Variants in MRNIP observed in about 807,000 individuals in gnomAD.
MRNIP encodes the protein MRN complex interacting protein.
Under a neutral mutation model 29.8 loss-of-function variants are expected in MRNIP, and 30 were observed. The ratio of observed to expected loss-of-function variants is 1.01; its 90% confidence interval spans 0.75 to 1.36. The LOEUF (loss-of-function observed/expected upper bound fraction) is 1.36, where lower values mean the gene tolerates loss of function less well. Among genes scored for constraint, MRNIP ranks in the 40% most tolerant of loss-of-function variants. MRNIP has a pLI of 0.00. For synonymous variants in MRNIP, 201 were observed against 164.1 expected, an observed-to-expected ratio of 1.23 and a Z score of -1.72; for missense variants, 459 against 423.5, an observed-to-expected ratio of 1.08 and a Z score of -0.74.
chr5:179,851,972 G>A (rs767530041), intron 2 of MRNIP, among the ~76,000 whole-genome samples: 10 of 148,406 alleles, frequency 6.7e-5, no homozygotes, highest in Admixed American at 2.7e-4. Context: ...GCGAGACTCC[G>A]TCTAAAAAAA....
intron 2 of MRNIP, among the ~76,000 whole-genome samples, chr5:179,851,711 G>A (rs1016749742): frequency 1.3e-5 from 2 of 152,096 alleles, no homozygotes; most frequent in Admixed American, 1.3e-4. Flanking sequence ...AGGCACGGTG[G>A]CTCACGCCTG....
intron 5 of MRNIP, 65 bp from the exon 6 acceptor site, chr5:179,841,024 CGAT>C: frequency 8.4e-7 from 1 of 1,191,016 alleles, no homozygotes; most frequent in Non-Finnish European, 1.2e-6. Context: ...CCTGACTCCA[CGAT>C]CACATGGCCC....
intron 1 of MRNIP, among the ~76,000 whole-genome samples, chr5:179,853,775 AAAAC>A (rs552010539): frequency 1.1e-4 from 16 of 151,914 alleles, no homozygotes; most frequent in East Asian, 5.8e-4. Context: ...CCATCTCAAA[AAAAC>A]AAACAAACAA....
At chr5:179,845,359 G>A (rs1759083054) in intron 3 of MRNIP, among the ~76,000 whole-genome samples, 2 of 152,048 alleles carry the variant, frequency 1.3e-5, no homozygotes, top group African/African-American at 4.8e-5. Context: ...ATGTTGGCCA[G>A]GCTGGTCATG....
chr5:179,843,564 C>A (rs924662614), intron 4 of MRNIP, among the ~76,000 whole-genome samples: 1 of 151,990 alleles, frequency 6.6e-6, no homozygotes, highest in African/African-American at 2.4e-5. Context: ...CACAGGGAGA[C>A]CCTGCCTCTA....
intron 2 of MRNIP, among the ~76,000 whole-genome samples, chr5:179,851,648 G>A (rs1454209664): frequency 2.0e-5 from 3 of 151,834 alleles, no homozygotes; most frequent in African/African-American, 7.3e-5. Flanking sequence ...TTTTAACTTT[G>A]CTGAACCCAT....
intron 2 of MRNIP, among the ~76,000 whole-genome samples, chr5:179,851,716 C>T (rs1349063283): frequency 1.3e-5 from 2 of 152,026 alleles, no homozygotes; most frequent in Admixed American, 6.6e-5. Flanking sequence ...CGGTGGCTCA[C>T]GCCTGTAACC....
intron 2 of MRNIP, among the ~76,000 whole-genome samples, chr5:179,851,924 G>GC (rs1251181023): frequency 1.3e-5 from 2 of 149,774 alleles, no homozygotes; most frequent in Non-Finnish European, 2.9e-5. Flanking sequence ...CTTGCAGTGA[G>GC]CGAGATCGCA....
At chr5:179,844,793 G>A (rs907758504) in intron 3 of MRNIP, among the ~76,000 whole-genome samples, 2 of 152,136 alleles carry the variant, frequency 1.3e-5, no homozygotes, top group African/African-American at 4.8e-5. Context: ...ATTTAATTTT[G>A]TATGTTGACC....
chr5:179,837,888 G>C lies in MRNIP; in HGVS notation c.538-3C>G. 6.2e-7 allele frequency: 1 copy of C among 1,601,290 alleles called. No homozygotes were observed. The highest frequency in any genetic ancestry group is 8.5e-7 in the Non-Finnish European group (1 of 1,178,046). ...TTCCATGTCAGGCCAGCCTGTCCCT[G>C]AAAGAGAAGATGGCCATGCCCTCCA... On this transcript the variant is annotated splice_polypyrimidine_tract_variant and splice_region_variant and intron_variant, in intron 6 of 6. Coordinates refer to ENST00000292586, the MANE Select transcript of MRNIP (RefSeq NM_016175.4).
At chr5:179,847,948 GA>G (rs1759199976) in intron 3 of MRNIP, 29 bp downstream of exon 3, 1 of 1,480,628 alleles carries the variant, frequency 6.8e-7, no homozygotes, top group Non-Finnish European at 9.4e-7. Flanking sequence ...AACAGGGCAA[GA>G]CAACCACGCT....
In MRNIP at chr5:179,837,546, T is replaced by C. The variant is rs11548638; in HGVS notation, c.877A>G (p.Thr293Ala). The stretch of plus-strand genomic sequence containing the variant: ...CCGCAAGGCCTCTCAGACCCAGATG[T>C]GACGGGGTGTGTGGCCCGAGGAAGC... ...VQLPRATHPV[T>A]SGSERPCGKT... The change falls in exon 7 of 7, where the codon ACA becomes GCA. Residue 293 changes from threonine to alanine, a missense_variant. Transcript: ENST00000292586. 3.1e-6 allele frequency: 5 copies of C among 1,614,196 alleles called. No individual in the cohort carries two copies. In the African/African-American group the frequency reaches 5.3e-5, roughly 17 times the overall value.
rs77603125 is a variant in MRNIP at position 179,848,092 on chromosome 5, T to C, written c.127-26A>G. 22,398 of 1,548,050 alleles carry C rather than the reference T, an allele frequency of 0.014. 223 individuals are homozygous for C. Among genetic ancestry groups the C allele is most frequent in the Non-Finnish European group, 0.018 (20,341 of 1,119,820 alleles). On this transcript the variant is annotated intron_variant, in intron 2 of 6. Transcript: ENST00000292586. ...CTGAGAAACCAAAAAATATATTACA[T>C]TGAAAAAGTGCTGGCAGAATGCTGA... is the stretch of plus-strand genomic sequence containing the variant.
chr5:179,847,791 A>C, intron 3 of MRNIP, 187 bp downstream of exon 3: 1 of 543,596 alleles, frequency 1.8e-6, no homozygotes, highest in Non-Finnish European at 3.3e-6. Flanking sequence ...CAGCCCCAGT[A>C]TTCTAAACAT....
In MRNIP at chr5:179,841,046, G is replaced by C. The variant is rs996781749; in HGVS notation, c.450-87C>G. On this transcript the variant is annotated intron_variant, in intron 5 of 6. Transcript: ENST00000292586. ...CCACGATCACATGGCCCACAGGCTCGGGTGGCCACCTGCTTGTTCCTACGG... is the reference window on the plus strand; with the variant it reads ...CCACGATCACATGGCCCACAGGCTCCGGTGGCCACCTGCTTGTTCCTACGG... The C allele has an allele frequency of 7.3e-6, 7 of 955,786 alleles. No individual in the cohort carries two copies. In the South Asian group the frequency reaches 7.4e-5, roughly 10 times the overall value. The allele number at this position is 955,786 out of a possible 1,614,324, so 59.2% of individuals were successfully genotyped here.
chr5:179,858,093 A>G (rs1419783749), intron 1 of MRNIP, among the ~76,000 whole-genome samples: 1 of 151,648 alleles, frequency 6.6e-6, no homozygotes, highest in Admixed American at 6.6e-5. Context: ...GGAGGGAGGG[A>G]CTATCAGAAG....
chr5:179,844,083 G>T, intron 4 of MRNIP, 69 bp downstream of exon 4: 1 of 1,292,908 alleles, frequency 7.7e-7, no homozygotes, highest in Non-Finnish European at 1.1e-6. Flanking sequence ...AATGACTACT[G>T]GATACATCTG....
chr5:179,857,383 C>T (rs1225748282), intron 1 of MRNIP, among the ~76,000 whole-genome samples: 2 of 151,980 alleles, frequency 1.3e-5, no homozygotes, highest in African/African-American at 4.8e-5. Flanking sequence ...ATCGCTTGAA[C>T]CCAGGAGGCG....
rs139945525 is a variant in MRNIP, at chr5:179,856,137, A to C, written c.66+2594T>G. ...TGCCCAGGCTGGTCTCGAACTCCTG[A>C]CCTCATGATCTGCCCCCCTCGGCCT... On this transcript the variant is annotated intron_variant, in intron 1 of 6. Transcript: ENST00000292586. Among the ~76,000 whole-genome samples the C allele has an allele frequency of 7.2e-3, 1,090 of 151,730 alleles. 15 individuals carry two copies. The highest frequency in any genetic ancestry group is 0.026 in the African/African-American group (1,063 of 41,324).
Sources: gnomAD v4.1 joint callset for allele counts (sites outside exome capture counted in the v4.1 genomes callset) on GRCh38, gnomAD v4.1.1 for gene constraint, MANE v1.5 for transcripts, NCBI Gene and HGNC (gene_info 2026-07-23, HGNC 2026-07-21) for gene names.